The following PRAG1 variants were observed in gnomAD, a reference collection of about 807,000 sequenced individuals.
The protein encoded by PRAG1 is inactive tyrosine-protein kinase PRAG1.
In PRAG1, 110 loss-of-function variants were observed where a neutral mutation model predicts 95.6. The ratio of observed to expected loss-of-function variants is 1.15; its 90% CI spans 0.99 to 1.35. PRAG1 has a LOEUF of 1.35. Among genes scored for constraint, PRAG1 ranks in the 40% most tolerant of loss-of-function variants. The pLI is 0.00. For missense variants in PRAG1, 2,554 were observed against 1,864.7 expected (o/e 1.37, Z -6.81); for synonymous variants, 1,052 against 819.4 (o/e 1.28, Z -4.85).
At chr8:8,347,204 C>G (rs547870422) in intron 3 of PRAG1, among the ~76,000 whole-genome samples, 2 of 152,204 alleles carry the variant, frequency 1.3e-5, no homozygotes, top group African/African-American at 4.8e-5. Flanking sequence ...GAGGCCTCCC[C>G]GGCCTTGTGA....
At chr8:8,368,733 A>ACACTGC (rs1800093841) in intron 3 of PRAG1, among the ~76,000 whole-genome samples, 2 of 152,146 alleles carry the variant, frequency 1.3e-5, no homozygotes. Flanking sequence ...GGGACTGACC[A>ACACTGC]CACTGCCTAA....
chr8:8,325,802 A>C (rs561907616), intron 5 of PRAG1, among the ~76,000 whole-genome samples: 28 of 152,018 alleles, frequency 1.8e-4, no homozygotes, highest in Non-Finnish European at 3.1e-4. Flanking sequence ...AGTCCCAGTT[A>C]CTCAGGAGAC....
chr8:8,337,377 G>T (rs945643175), intron 4 of PRAG1, among the ~76,000 whole-genome samples: 3 of 152,234 alleles, frequency 2.0e-5, no homozygotes, highest in Non-Finnish European at 4.4e-5. Context: ...TTGGTAAGCG[G>T]TGAGAAGTGA....
chr8:8,342,046 G>A (rs1027444361), intron 3 of PRAG1, among the ~76,000 whole-genome samples: 4 of 151,982 alleles, frequency 2.6e-5, no homozygotes, highest in Non-Finnish European at 4.4e-5. Flanking sequence ...CAGTAGAATC[G>A]CTTGAACCAA....
At chr8:8,330,115 C>T (rs1387528770) in intron 4 of PRAG1, among the ~76,000 whole-genome samples, 1 of 152,192 alleles carries the variant, frequency 6.6e-6, no homozygotes, top group African/African-American at 2.4e-5. Flanking sequence ...CCTGTAATCT[C>T]AGCACTTTGG....
intron 4 of PRAG1, among the ~76,000 whole-genome samples, chr8:8,337,932 T>A (rs1799042996): frequency 6.6e-6 from 1 of 152,140 alleles, no homozygotes; most frequent in South Asian, 2.1e-4. Context: ...TTGAAGCATG[T>A]CAGACTGGTC....
At chr8:8,369,491 C>T (rs1337080784) in intron 3 of PRAG1, among the ~76,000 whole-genome samples, 1 of 152,152 alleles carries the variant, frequency 6.6e-6, no homozygotes, top group Non-Finnish European at 1.5e-5. Context: ...ATTTCTTGAG[C>T]ACCTGTTATG....
chr8:8,383,523 G>A (rs1183122477), intron 1 of PRAG1, among the ~76,000 whole-genome samples: 1 of 152,150 alleles, frequency 6.6e-6, no homozygotes, highest in Non-Finnish European at 1.5e-5. Context: ...CAAGGCTGCA[G>A]TGAGCCATGA....
chr8:8,356,074 A>G (rs977165952), intron 3 of PRAG1, among the ~76,000 whole-genome samples: 1 of 152,232 alleles, frequency 6.6e-6, no homozygotes, highest in Non-Finnish European at 1.5e-5. Flanking sequence ...TTACAACTCA[A>G]TAGCAGAGCA....
intron 3 of PRAG1, among the ~76,000 whole-genome samples, chr8:8,349,266 C>CTAGT (rs1554506935): frequency 6.7e-6 from 1 of 149,242 alleles, no homozygotes; most frequent in Non-Finnish European, 1.5e-5. Flanking sequence ...ATCTATCTAT[C>CTAGT]TATTTATTTA....
chr8:8,370,721 C>G (rs1309160941), intron 3 of PRAG1, among the ~76,000 whole-genome samples: 1 of 152,178 alleles, frequency 6.6e-6, no homozygotes, highest in Non-Finnish European at 1.5e-5. Flanking sequence ...GATCATGTTA[C>G]AGGAGAGCCC....
At chr8:8,371,844 G>A (rs543651948) in intron 3 of PRAG1, among the ~76,000 whole-genome samples, 27 of 152,252 alleles carry the variant, frequency 1.8e-4, no homozygotes, top group African/African-American at 6.0e-4. Flanking sequence ...CAGCCTGGGC[G>A]GCAGAGTGAG....
At position 8,327,879 on chromosome 8, in the gene PRAG1, G is replaced by C. The variant is rs753780607; in HGVS notation, c.2903C>G (p.Ala968Gly). ...LYTQSLARLV[A>G]KCEDLFMGGQ... is the part of the protein sequence containing the mutation. ...GCCCATGAAGAGGTCCTCACATTTG[G>C]CTACAAGGCGGGCCAGGGACTGGGT... The change falls in exon 5 of 6, where the codon GCC (alanine) becomes GGC (glycine). Residue 968 changes from alanine to glycine, a missense_variant. Coordinates refer to ENST00000615670, the MANE Select transcript of PRAG1 (RefSeq NM_001080826.3). The C allele has an allele frequency of 2.5e-6, 4 of 1,614,178 alleles. No homozygotes were observed. Among genetic ancestry groups the C allele is most frequent in the Non-Finnish European group, 3.4e-6 (4 of 1,180,022 alleles).
chr8:8,335,733 T>C (rs1202447519), intron 4 of PRAG1, among the ~76,000 whole-genome samples: 3 of 152,096 alleles, frequency 2.0e-5, no homozygotes, highest in African/African-American at 7.2e-5. Context: ...GTTCCTGGCT[T>C]GATTTTTCTC....
rs1798369576 is a variant in PRAG1 at position 8,318,765 on chromosome 8, G to T, written c.3610C>A (p.Pro1204Thr). 6.4e-7 allele frequency: 1 copy of T among 1,574,772 alleles called. No homozygotes were observed. Among genetic ancestry groups the T allele is most frequent in the African/African-American group, 1.4e-5 (1 of 73,804 alleles). The change falls in exon 6 of 6, where the codon CCC becomes ACC. Residue 1204 changes from proline to threonine, a missense_variant. By Grantham distance (38) the Pro-to-Thr change is conservative (BLOSUM62 -1). Transcript: ENST00000615670. This position sits in a 1 kb window ranked among gnomAD's most constrained non-coding sequence, Gnocchi z 4.2. ...AGCCGGGGCAGCTGCTTCTCCCGGG[G>T]CCCTTCCGGGGAGGCGGGGCCGGCT... ...PAAGPASPEG[P>T]REKQLPRLII...
intron 3 of PRAG1, among the ~76,000 whole-genome samples, chr8:8,362,668 A>T (rs1374046363): frequency 6.6e-6 from 1 of 152,242 alleles, no homozygotes; most frequent in Non-Finnish European, 1.5e-5. Context: ...CAGTAGTCAG[A>T]TAAAAACTTT....
chr8:8,379,348 T>A lies in PRAG1; in HGVS notation c.331-1270A>T, dbSNP rs192126951. Among the ~76,000 whole-genome samples, 346 of 152,296 alleles carry A rather than the reference T, an allele frequency of 2.3e-3. 1 individual carries two copies. The highest frequency in any genetic ancestry group is 3.8e-3 in the Non-Finnish European group (256 of 68,030). On this transcript the variant is annotated intron_variant, in intron 2 of 5. Coordinates refer to ENST00000615670, the MANE Select transcript of PRAG1 (RefSeq NM_001080826.3). ...AGTCACCGTTTCCTCCTCCTTCTGGTCTAAAGTCCTCCTTTACCCCCACTT... is the reference window on the plus strand; with the variant it reads ...AGTCACCGTTTCCTCCTCCTTCTGGACTAAAGTCCTCCTTTACCCCCACTT...
intron 5 of PRAG1, among the ~76,000 whole-genome samples, chr8:8,323,954 G>C (rs575725561): frequency 6.6e-6 from 1 of 152,300 alleles, no homozygotes; most frequent in South Asian, 2.1e-4. Context: ...AAATAATGAA[G>C]ATGGACGGTA....
intron 3 of PRAG1, among the ~76,000 whole-genome samples, chr8:8,365,778 T>A (rs1799982468): frequency 1.3e-5 from 2 of 148,924 alleles, no homozygotes; most frequent in African/African-American, 5.0e-5. Context: ...GCCTGGCCAA[T>A]GTGGTGAAAC....
Sources: gnomAD v4.1 joint callset for allele counts (sites outside exome capture counted in the v4.1 genomes callset) on GRCh38, gnomAD v4.1.1 for gene constraint, Gnocchi (gnomAD v3.1) non-coding constraint, MANE v1.5 for transcripts, NCBI Gene and HGNC (gene_info 2026-07-23, HGNC 2026-07-21) for gene names.